The following VPS13B variants were observed in gnomAD, a reference collection of about 807,000 sequenced individuals.
The protein encoded by VPS13B is intermembrane lipid transfer protein VPS13B.
A neutral mutation model predicts 426.4 loss-of-function variants in VPS13B; 285 were observed. The ratio of observed to expected loss-of-function variants is 0.67; its 90% confidence interval spans 0.61 to 0.74. The LOEUF (loss-of-function observed/expected upper bound fraction) is 0.74. Among genes scored for constraint, VPS13B ranks in the 30% least tolerant of loss-of-function variants. The pLI, the probability that VPS13B is intolerant of heterozygous loss-of-function variation, is 0.00. For synonymous variants in VPS13B, 1,676 were observed against 1,676.4 expected, an observed-to-expected ratio of 1.00 and a Z score of 0.01; for missense variants, 4,537 against 4,782.6, an observed-to-expected ratio of 0.95 and a Z score of 1.51.
At chr8:99,048,410 T>C (rs895932604) in intron 3 of VPS13B, among the ~76,000 whole-genome samples, 2 of 152,222 alleles carry the variant, frequency 1.3e-5, no homozygotes, top group Non-Finnish European at 2.9e-5. Context: ...TTTGTTGACT[T>C]TCTGTCGTGA....
At chr8:99,810,824 A>G (rs1296216921) in intron 44 of VPS13B, among the ~76,000 whole-genome samples, 1 of 152,184 alleles carries the variant, frequency 6.6e-6, no homozygotes, top group Non-Finnish European at 1.5e-5. Context: ...TTTGGAAAAT[A>G]TGTAGAATTT....
chr8:99,407,589 A>G (rs1004866135), intron 21 of VPS13B, among the ~76,000 whole-genome samples: 1 of 152,098 alleles, frequency 6.6e-6, no homozygotes, highest in Non-Finnish European at 1.5e-5. Flanking sequence ...TCCATAGCTC[A>G]TAAGTCTTGG....
chr8:99,556,703 G>C (rs1016328970), intron 31 of VPS13B, 50 bp downstream of exon 31: 1 of 1,583,364 alleles, frequency 6.3e-7, no homozygotes, highest in Admixed American at 1.8e-5. Context: ...TTCATTGCCA[G>C]AATAGTTGGT....
intron 30 of VPS13B, among the ~76,000 whole-genome samples, chr8:99,545,412 C>T (rs1588482087): frequency 6.6e-6 from 1 of 152,202 alleles, no homozygotes; most frequent in East Asian, 1.9e-4. Flanking sequence ...ACTACTGTAA[C>T]TAATACAGTA....
At chr8:99,571,702 T>C (rs1394976176) in intron 31 of VPS13B, among the ~76,000 whole-genome samples, 2 of 152,160 alleles carry the variant, frequency 1.3e-5, no homozygotes, top group African/African-American at 2.4e-5. Flanking sequence ...ACATCAGATG[T>C]TATATGTTTC....
chr8:99,511,083 G>T lies in VPS13B; in HGVS notation c.4225-21G>T, dbSNP rs750578562. 134 of 1,610,078 alleles carry T rather than the reference G, an allele frequency of 8.3e-5. 1 individual carries two copies. The Middle Eastern group carries it at 4.0e-3, about 48-fold the overall frequency. ...ATCTTTTTAATGAACTGTGTATTGT[G>T]ATTTCCTTTTTTTGGAACAGACAAC... On this transcript the variant is annotated intron_variant, in intron 28 of 61. Transcript: ENST00000357162.
intron 34 of VPS13B, among the ~76,000 whole-genome samples, chr8:99,649,296 G>T (rs1354030827): frequency 6.6e-6 from 1 of 151,780 alleles, no homozygotes; most frequent in Non-Finnish European, 1.5e-5. Context: ...AGAACTTTTG[G>T]CCCTTTTTTC....
Position 99,566,704 on chromosome 8 carries a change from A to C in VPS13B, c.4950-8954A>C, listed in dbSNP as rs566480422. Among the ~76,000 whole-genome samples the C allele has an allele frequency of 2.6e-4, 40 of 152,240 alleles. 1 individual carries two copies. In the East Asian group the frequency reaches 6.0e-3, roughly 23 times the overall value. ...GTGATCCACCAGCCTTGGCCTCCCA[A>C]AGTAGTGAGAGGCCACTGTGCCCAG... is the stretch of plus-strand genomic sequence containing the variant. On this transcript the variant is annotated intron_variant, in intron 31 of 61. Transcript: ENST00000357162.
intron 33 of VPS13B, among the ~76,000 whole-genome samples, chr8:99,606,294 T>C (rs1010850784): frequency 6.6e-6 from 1 of 152,108 alleles, no homozygotes; most frequent in Non-Finnish European, 1.5e-5. Flanking sequence ...CTTGCTGCTA[T>C]AGAAATTATC....
At position 99,819,435 on chromosome 8, in the gene VPS13B, G is replaced by T. The variant is rs954722328; in HGVS notation, c.8645G>T (p.Cys2882Phe). 6.2e-6 allele frequency: 10 copies of T among 1,613,636 alleles called. No homozygotes were observed. Among genetic ancestry groups the T allele is most frequent in the Non-Finnish European group, 8.5e-6 (10 of 1,179,812 alleles). ...QAREEYDPSDCAVPISTSLIK... is the reference protein window; with the variant it reads ...QAREEYDPSDFAVPISTSLIK... ...AGAGAAGAATATGATCCTTCAGATT[G>T]TGCAGTTCCCATCTCAACATCCCTC... is the stretch of plus-strand genomic sequence containing the variant. Residue 2882 changes from cysteine (C) to phenylalanine (F), a missense_variant, in exon 48 of 62, where the codon TGT (cysteine) becomes TTT (phenylalanine). Coordinates refer to ENST00000357162, the MANE Select transcript of VPS13B (RefSeq NM_152564.5).
chr8:99,686,169 A>C lies in VPS13B; in HGVS notation c.6047-13356A>C, dbSNP rs189891760. On this transcript the variant is annotated intron_variant, in intron 35 of 61. Coordinates refer to ENST00000357162, the MANE Select transcript of VPS13B (RefSeq NM_152564.5). ...ATCCAGAAGAATTCTTTGGATTACC[A>C]GGCAGAGACTCTTGTTTTCTTCCTT... Among the ~76,000 whole-genome samples, 275 of 152,320 alleles carry C rather than the reference A, an allele frequency of 1.8e-3. 6 individuals are homozygous for C. Among genetic ancestry groups the C allele is most frequent in the Non-Finnish European group, 9.1e-4 (62 of 68,024 alleles).
At chr8:99,676,004 G>GC (rs1830918326) in intron 35 of VPS13B, among the ~76,000 whole-genome samples, 1 of 150,424 alleles carries the variant, frequency 6.6e-6, no homozygotes, top group Non-Finnish European at 1.5e-5. Flanking sequence ...TTCTAGTTTT[G>GC]TTTTTTTTTA....
At chr8:99,792,273 G>A (rs1225911351) in intron 43 of VPS13B, among the ~76,000 whole-genome samples, 4 of 151,756 alleles carry the variant, frequency 2.6e-5, no homozygotes, top group Non-Finnish European at 5.9e-5. Context: ...ACAGATAAGA[G>A]TCAGAAAAAA....
At chr8:99,442,355 A>G in intron 22 of VPS13B, 46 bp from the exon 23 acceptor site, 4 of 1,536,730 alleles carry the variant, frequency 2.6e-6, no homozygotes, top group African/African-American at 1.4e-5. Context: ...GTTTGAAGGC[A>G]TATTTAGTCT....
Position 99,559,427 on chromosome 8 carries a change from T to A in VPS13B, c.4949+2774T>A, listed in dbSNP as rs368975286. ...TTAGTTTAATTAGATCCCATTTGTCTATTTTCGCTTTTGTTGCCATTGCTT... is the reference window on the plus strand; with the variant it reads ...TTAGTTTAATTAGATCCCATTTGTCAATTTTCGCTTTTGTTGCCATTGCTT... On this transcript the variant is annotated intron_variant, in intron 31 of 61. Coordinates refer to ENST00000357162, the MANE Select transcript of VPS13B (RefSeq NM_152564.5). 3.9e-4 allele frequency among the ~76,000 whole-genome samples: 59 copies of A among 152,226 alleles called. 1 individual carries two copies. The highest frequency in any genetic ancestry group is 2.1e-3 in the Admixed American group (32 of 15,288).
At chr8:99,511,011 A>G in intron 28 of VPS13B, 93 bp from the exon 29 acceptor site, 1 of 1,418,802 alleles carries the variant, frequency 7.0e-7, no homozygotes. Flanking sequence ...ACCAAGAGGT[A>G]AAAATACTCA....
At chr8:99,191,691 GT>G (rs1227617577) in intron 16 of VPS13B, among the ~76,000 whole-genome samples, 6 of 151,830 alleles carry the variant, frequency 4.0e-5, no homozygotes, top group African/African-American at 1.5e-4. Flanking sequence ...CTATTTTAGT[GT>G]TTTATCTTTC....
chr8:99,397,305 C>A (rs1485550234), intron 21 of VPS13B, among the ~76,000 whole-genome samples: 1 of 152,052 alleles, frequency 6.6e-6, no homozygotes, highest in South Asian at 2.1e-4. Context: ...GCCACATGCC[C>A]AGCTAATTTT....
rs79946063 is a variant in VPS13B at position 99,655,271 on chromosome 8, A to G, written c.5909-6083A>G. Among the ~76,000 whole-genome samples, 1,058 of 152,340 alleles carry G rather than the reference A, an allele frequency of 6.9e-3. 6 individuals are homozygous for G. Among genetic ancestry groups the G allele is most frequent in the Non-Finnish European group, 9.6e-3 (651 of 68,034 alleles). ...TCTAAGTGCTATCTACCAGAGACAA[A>G]GAGTTTTGATACTTTTTACAATATG... On this transcript the variant is annotated intron_variant, in intron 34 of 61. Transcript: ENST00000357162.
Sources: gnomAD v4.1 joint callset for allele counts (sites outside exome capture counted in the v4.1 genomes callset) on GRCh38, gnomAD v4.1.1 for gene constraint, MANE v1.5 for transcripts, NCBI Gene and HGNC (gene_info 2026-07-23, HGNC 2026-07-21) for gene names.